The following PKP2 variants were observed in gnomAD, a reference collection of about 807,000 sequenced individuals.
PKP2 encodes plakophilin 2, also known as plakophilin-2.
A neutral mutation model predicts 83.4 loss-of-function variants in PKP2; 73 were observed. The ratio of observed to expected loss-of-function variants is 0.88; its 90% CI spans 0.72 to 1.06. PKP2 has a LOEUF of 1.06. Among genes scored for constraint, PKP2 ranks in the 50% least tolerant of loss-of-function variants. The pLI, the probability that PKP2 is intolerant of heterozygous loss-of-function variation, is 0.00. For synonymous variants in PKP2, 409 were observed against 430.4 expected (o/e 0.95, Z 0.62); for missense variants, 966 against 1,065.4 (o/e 0.91, Z 1.30).
At chr12:32,887,617 A>G (rs1448410952) in intron 1 of PKP2, among the ~76,000 whole-genome samples, 1 of 151,982 alleles carries the variant, frequency 6.6e-6, no homozygotes, top group Non-Finnish European at 1.5e-5. Context: ...CATGCTGACT[A>G]ATTTTTGTAT....
chr12:32,848,625 G>A (rs1460926937), intron 5 of PKP2, among the ~76,000 whole-genome samples: 1 of 152,042 alleles, frequency 6.6e-6, no homozygotes, highest in African/African-American at 2.4e-5. Flanking sequence ...GGGTATACAT[G>A]GACTTAAAGA....
chr12:32,846,954 T>C (rs1303082715), intron 5 of PKP2, among the ~76,000 whole-genome samples: 1 of 152,034 alleles, frequency 6.6e-6, no homozygotes, highest in Non-Finnish European at 1.5e-5. Flanking sequence ...TAGGCAACCT[T>C]GGGCAATTTA....
intron 3 of PKP2, among the ~76,000 whole-genome samples, chr12:32,873,168 T>C (rs1221171067): frequency 2.0e-5 from 3 of 151,942 alleles, no homozygotes; most frequent in African/African-American, 7.3e-5. Context: ...GTCACGATCA[T>C]GGCTGACTGC....
At position 32,878,364 on chromosome 12, in the gene PKP2, G is replaced by T. The variant is rs397517028; in HGVS notation, c.516C>A (p.Ser172Arg). 1.9e-6 allele frequency: 3 copies of T among 1,613,756 alleles called. No homozygotes were observed. Among genetic ancestry groups the T allele is most frequent in the Non-Finnish European group, 2.5e-6 (3 of 1,179,968 alleles). ...THSDYQYSQR[S>R]QAGHTLHHQE... is the part of the protein sequence containing the mutation. ...GGTGGTGCAGGGTGTGCCCAGCCTGGCTTCTCTGGCTGTACTGGTAATCGC... is the reference window on the plus strand; with the variant it reads ...GGTGGTGCAGGGTGTGCCCAGCCTGTCTTCTCTGGCTGTACTGGTAATCGC... Residue 172 changes from serine to arginine, a missense_variant, in exon 3 of 13, where the codon AGC (serine) becomes AGA (arginine). Transcript: ENST00000340811.
chr12:32,804,660 C>T (rs1956212414), intron 9 of PKP2, among the ~76,000 whole-genome samples: 1 of 152,198 alleles, frequency 6.6e-6, no homozygotes, highest in South Asian at 2.1e-4. Flanking sequence ...CACAGTATTC[C>T]ATGGTGTGTA....
At chr12:32,879,649 T>G (rs982235997) in intron 1 of PKP2, among the ~76,000 whole-genome samples, 55 of 151,756 alleles carry the variant, frequency 3.6e-4, no homozygotes, top group East Asian at 1.6e-3. Context: ...GCCAACATGG[T>G]GAAAGCCCCT....
At chr12:32,865,376 GAAA>G (rs554773045) in intron 4 of PKP2, among the ~76,000 whole-genome samples, 20 of 85,348 alleles carry the variant, frequency 2.3e-4, no homozygotes, top group African/African-American at 6.4e-4. Context: ...CTCCATCTCA[GAAA>G]AAAAAAAAAA....
At chr12:32,813,902 G>A (rs1956298946) in intron 9 of PKP2, among the ~76,000 whole-genome samples, 1 of 152,052 alleles carries the variant, frequency 6.6e-6, no homozygotes, top group East Asian at 1.9e-4. Flanking sequence ...ATGACTCAAA[G>A]GAATTTAATT....
intron 9 of PKP2, chr12:32,820,935 C>A: frequency 5.1e-6 from 1 of 196,504 alleles, no homozygotes; most frequent in Non-Finnish European, 1.1e-5. Context: ...TAATTCATGG[C>A]TGTCTTTGTT....
chr12:32,791,789 T>G lies in PKP2; in HGVS notation c.*635A>C, dbSNP rs1226608228. The G allele has an allele frequency of 2.0e-5, 3 of 152,418 alleles. No homozygotes were observed. Among genetic ancestry groups the G allele is most frequent in the Non-Finnish European group, 4.4e-5 (3 of 68,236 alleles). The allele number at this position is 152,418 out of a possible 1,614,324, so 9.4% of individuals were successfully genotyped here. On this transcript the variant is annotated 3_prime_UTR_variant, in exon 13 of 13. Coordinates refer to ENST00000340811, the MANE Select transcript of PKP2 (RefSeq NM_001005242.3). ...ACTTCTTTAATTTGCTATGATCACT[T>G]CCTCTCAATTTCTTTTTCTTACAGT...
chr12:32,819,288 C>A (rs1902141), intron 9 of PKP2, among the ~76,000 whole-genome samples: 2,354 of 33,684 alleles, frequency 0.07, 107 homozygotes, highest in African/African-American at 0.2. Flanking sequence ...AAAATAAATA[C>A]AATACAATAC....
intron 4 of PKP2, among the ~76,000 whole-genome samples, chr12:32,854,305 G>C (rs909495803): frequency 2.0e-5 from 3 of 152,208 alleles, no homozygotes; most frequent in Non-Finnish European, 4.4e-5. Flanking sequence ...GAGAACTACA[G>C]ACATACCAGT....
In PKP2 at chr12:32,878,418, G is replaced by C. The variant is rs397517026; in HGVS notation, c.462C>G (p.Ser154Arg). The C allele has an allele frequency of 6.8e-6, 11 of 1,613,940 alleles. No homozygotes were observed. Among genetic ancestry groups the C allele is most frequent in the Non-Finnish European group, 9.3e-6 (11 of 1,179,934 alleles). ...PLRRLEISPD[S>R]SPERAHYTHS... ...GCGTGTAGTGAGCCCTCTCCGGGCTGCTGTCAGGAGAAATCTCCAGTCTCC... is the reference window on the plus strand; with the variant it reads ...GCGTGTAGTGAGCCCTCTCCGGGCTCCTGTCAGGAGAAATCTCCAGTCTCC... Residue 154 changes from serine (S) to arginine (R), a missense_variant, in exon 3 of 13, where the codon AGC becomes AGG. Coordinates refer to ENST00000340811, the MANE Select transcript of PKP2 (RefSeq NM_001005242.3).
chr12:32,887,382 A>G (rs1000208487), intron 1 of PKP2, among the ~76,000 whole-genome samples: 5 of 152,180 alleles, frequency 3.3e-5, no homozygotes, highest in Non-Finnish European at 7.3e-5. Flanking sequence ...TGATATACCA[A>G]TTTATGACAT....
At chr12:32,829,169 C>A (rs1434315845) in intron 6 of PKP2, among the ~76,000 whole-genome samples, 2 of 152,094 alleles carry the variant, frequency 1.3e-5, no homozygotes, top group Non-Finnish European at 1.5e-5. Flanking sequence ...CTCATGTGAT[C>A]CTCCAGCCTG....
intron 7 of PKP2, 67 bp downstream of exon 7, chr12:32,823,978 C>A: frequency 1.1e-6 from 1 of 950,386 alleles, no homozygotes. Context: ...TAAAACCAAG[C>A]GGCTATCTTA....
intron 3 of PKP2, among the ~76,000 whole-genome samples, chr12:32,869,400 C>A (rs1224402673): frequency 6.6e-6 from 1 of 151,132 alleles, no homozygotes; most frequent in African/African-American, 2.4e-5. Context: ...GCCTGGCCAA[C>A]ATGGTGAAAC....
chr12:32,818,637 AAACT>A (rs1398459139), intron 9 of PKP2, among the ~76,000 whole-genome samples: 5 of 152,248 alleles, frequency 3.3e-5, no homozygotes, highest in Admixed American at 1.3e-4. Flanking sequence ...AATAAAGCTT[AAACT>A]AACATACTTT....
At chr12:32,883,394 AT>A (rs1239143271) in intron 1 of PKP2, among the ~76,000 whole-genome samples, 5 of 152,198 alleles carry the variant, frequency 3.3e-5, no homozygotes, top group Admixed American at 6.5e-5. Context: ...ACTGAGTAAA[AT>A]TTTTTTAAAG....
Sources: gnomAD v4.1 joint callset for allele counts (sites outside exome capture counted in the v4.1 genomes callset) on GRCh38, gnomAD v4.1.1 for gene constraint, MANE v1.5 for transcripts, NCBI Gene and HGNC (gene_info 2026-07-23, HGNC 2026-07-21) for gene names.